UQCRC2: variants seen among roughly 807,000 people sequenced by gnomAD.
The protein encoded by UQCRC2 is cytochrome b-c1 complex subunit 2, mitochondrial.
In UQCRC2, 49 loss-of-function variants were observed where a neutral mutation model predicts 55.6. The ratio of observed to expected loss-of-function variants is 0.88; its 90% CI spans 0.70 to 1.12. The LOEUF (loss-of-function observed/expected upper bound fraction) is 1.12, where lower values mean the gene tolerates loss of function less well. UQCRC2 is among the 50% of genes most tolerant of loss of function. UQCRC2 has a pLI of 0.00. For missense variants in UQCRC2, 506 were observed against 547.8 expected, an observed-to-expected ratio of 0.92 and a Z score of 0.76; for synonymous variants, 193 against 192.0, an observed-to-expected ratio of 1.01 and a Z score of -0.04.
At chr16:21,960,099 G>C (rs1898165464) in intron 4 of UQCRC2, among the ~76,000 whole-genome samples, 1 of 152,168 alleles carries the variant, frequency 6.6e-6, no homozygotes, top group African/African-American at 2.4e-5. Context: ...CTTGTCGTTT[G>C]AAGCTTTGAC....
At chr16:21,978,590 A>G (rs1898641416) in intron 12 of UQCRC2, among the ~76,000 whole-genome samples, 1 of 152,220 alleles carries the variant, frequency 6.6e-6, no homozygotes, top group Non-Finnish European at 1.5e-5. Flanking sequence ...TCACTAATCA[A>G]AACCTTACAT....
In UQCRC2 at chr16:21,974,905, C is replaced by G. The variant is rs551722887; in HGVS notation, c.1047+929C>G. 1.2e-4 allele frequency among the ~76,000 whole-genome samples: 18 copies of G among 152,212 alleles called. No individual in the cohort carries two copies. In the East Asian group the frequency reaches 1.5e-3, roughly 13 times the overall value. On this transcript the variant is annotated intron_variant, in intron 11 of 13. Coordinates refer to ENST00000268379, the MANE Select transcript of UQCRC2 (RefSeq NM_003366.4). ...TCCTCAGTGAGACAGGAGGCTAAGT[C>G]ATGTTTTGACAGACGTGAGAGGAAA...
intron 7 of UQCRC2, among the ~76,000 whole-genome samples, chr16:21,965,713 A>T (rs1898309153): frequency 6.6e-6 from 1 of 152,238 alleles, no homozygotes; most frequent in South Asian, 2.1e-4. Flanking sequence ...GACTAAAGGG[A>T]CATGATCATT....
chr16:21,966,318 G>T (rs1022083706), intron 7 of UQCRC2, among the ~76,000 whole-genome samples: 1 of 151,924 alleles, frequency 6.6e-6, no homozygotes, highest in South Asian at 2.1e-4. Context: ...ACCAGCCTCC[G>T]TTTGCTGGCT....
chr16:21,974,392 A>G (rs539238234), intron 11 of UQCRC2, among the ~76,000 whole-genome samples: 1 of 152,328 alleles, frequency 6.6e-6, no homozygotes, highest in African/African-American at 2.4e-5. Flanking sequence ...TTAAGGAGCA[A>G]GTGGCTAAGA....
In UQCRC2 at chr16:21,959,406, G is replaced by A. The variant is rs546001955; in HGVS notation, c.332+807G>A. On this transcript the variant is annotated intron_variant, in intron 4 of 13. Coordinates refer to ENST00000268379, the MANE Select transcript of UQCRC2 (RefSeq NM_003366.4). ...AACCACTTTGTTTGCTCATCCATAA[G>A]AAGCATCTCCTCATCTGTTCAAGCT... 2.4e-4 allele frequency: 65 copies of A among 266,796 alleles called. 1 individual carries two copies. The Middle Eastern group carries it at 2.6e-3, about 11-fold the overall frequency. 16.5% of individuals were successfully genotyped at this position (266,796 alleles called of 1,614,324 possible).
intron 13 of UQCRC2, among the ~76,000 whole-genome samples, chr16:21,981,099 C>CTG (rs1197737482): frequency 6.6e-6 from 1 of 152,152 alleles, no homozygotes; most frequent in African/African-American, 2.4e-5. Flanking sequence ...TATGATCCAA[C>CTG]CTAAATAGTG....
intron 4 of UQCRC2, among the ~76,000 whole-genome samples, chr16:21,960,871 C>G (rs1316332250): frequency 6.6e-6 from 1 of 152,026 alleles, no homozygotes; most frequent in Non-Finnish European, 1.5e-5. Context: ...TGCTCTGTTT[C>G]CCAGGCTGGA....
intron 13 of UQCRC2, 113 bp downstream of exon 13, chr16:21,980,813 T>C: frequency 7.9e-7 from 1 of 1,260,114 alleles, no homozygotes; most frequent in East Asian, 2.5e-5. Context: ...TGTTTGGTGC[T>C]CATCTACTTA....
chr16:21,978,936 G>A lies in UQCRC2; in HGVS notation c.1125-1611G>A, dbSNP rs186600047. Among the ~76,000 whole-genome samples the A allele has an allele frequency of 1.1e-3, 171 of 152,260 alleles. 1 individual carries two copies. Among genetic ancestry groups the A allele is most frequent in the African/African-American group, 3.9e-3 (164 of 41,564 alleles). ...TGGATATCACAGAAATAAACAGACA[G>A]CAGAAGCTCTTCAGACACCCCCGAA... On this transcript the variant is annotated intron_variant, in intron 12 of 13. Coordinates refer to ENST00000268379, the MANE Select transcript of UQCRC2 (RefSeq NM_003366.4).
rs1898101174 is a variant in UQCRC2 at position 21,957,261 on chromosome 16, C to G, written c.60C>G (p.Pro20=). The G allele has an allele frequency of 1.2e-6, 2 of 1,613,710 alleles. No individual in the cohort carries two copies. The highest frequency in any genetic ancestry group is 8.5e-7 in the Non-Finnish European group (1 of 1,179,902). The change falls in exon 2 of 14, where the codon CCC becomes CCG. Residue 20 remains proline, a synonymous_variant. Coordinates refer to ENST00000268379, the MANE Select transcript of UQCRC2 (RefSeq NM_003366.4). The part of the protein sequence containing the change: ...FSRFYSLKVA[P]KVKATAAPAG... ...GATTTTATTCCCTCAAAGTTGCCCC[C>G]AAAGTTAAAGCCACAGCTGCGCCTG...
Position 21,983,282 on chromosome 16 carries a change from A to G in UQCRC2, c.*111A>G. 1.1e-6 allele frequency: 1 copy of G among 895,964 alleles called. No individual in the cohort carries two copies. The highest frequency in any genetic ancestry group is 1.7e-6 in the Non-Finnish European group (1 of 583,840). 55.5% of individuals were successfully genotyped at this position (895,964 alleles called of 1,614,324 possible). A position where few individuals can be genotyped will look rare whatever the true frequency, so the allele number is the denominator to read the frequency against. On this transcript the variant is annotated 3_prime_UTR_variant, in exon 14 of 14. Transcript: ENST00000268379. The stretch of plus-strand genomic sequence containing the variant: ...TCATTTGTCTTTTTTCCAGTGAGGT[A>G]AAATAAGGCATAAATGCAGGTAATT...
intron 6 of UQCRC2, 63 bp downstream of exon 6, chr16:21,962,948 TAG>T (rs1898241224): frequency 6.5e-7 from 1 of 1,530,582 alleles, no homozygotes; most frequent in East Asian, 2.3e-5. Flanking sequence ...GATCAATTTA[TAG>T]AAGAAAAAAA....
At chr16:21,970,540 AT>A (rs1898434176) in intron 8 of UQCRC2, among the ~76,000 whole-genome samples, 1 of 152,194 alleles carries the variant, frequency 6.6e-6, no homozygotes, top group Non-Finnish European at 1.5e-5. Context: ...GACAAATGAC[AT>A]TGAACATATT....
chr16:21,962,437 CT>C, intron 4 of UQCRC2, 22 bp from the exon 5 acceptor site: 1 of 1,613,764 alleles, frequency 6.2e-7, no homozygotes, highest in Non-Finnish European at 8.5e-7. Flanking sequence ...AGATGATTTA[CT>C]CTAGTTTATT....
chr16:21,957,473 A>G lies in UQCRC2; in HGVS notation c.174A>G (p.Val58=). Residue 58 remains valine (V), a synonymous_variant, in exon 3 of 14, where the codon GTA becomes GTG. Coordinates refer to ENST00000268379, the MANE Select transcript of UQCRC2 (RefSeq NM_003366.4). ...CTTCTTTGGAAAACTATTCTCCTGT[A>G]TCAAGAATTGGTTTGTTCATTAAAG... ...VIASLENYSP[V]SRIGLFIKAG... is the part of the protein sequence containing the mutation. 1.9e-6 allele frequency: 3 copies of G among 1,614,160 alleles called. No homozygotes were observed. The highest frequency in any genetic ancestry group is 2.2e-5 in the South Asian group (2 of 91,078).
rs1898687744 is a variant in UQCRC2 at position 21,980,335 on chromosome 16, AC to A, written c.1125-209del. On this transcript the variant is annotated intron_variant, in intron 12 of 13. Coordinates refer to ENST00000268379, the MANE Select transcript of UQCRC2 (RefSeq NM_003366.4). ...GGGCCCTCAATTGGACACTTTGGCA[AC>A]CCTGAAGAGACTTCTTCCCTTCAGA... 8 of 551,964 alleles carry A rather than the reference AC, an allele frequency of 1.4e-5. No individual in the cohort carries two copies. In the Admixed American group the frequency reaches 2.7e-4, roughly 19 times the overall value. 34.2% of individuals were successfully genotyped at this position (551,964 alleles called of 1,614,324 possible).
At chr16:21,968,789 C>T (rs1224581640) in intron 8 of UQCRC2, 104 bp downstream of exon 8, 2 of 1,015,782 alleles carry the variant, frequency 2.0e-6, no homozygotes, top group Non-Finnish European at 2.8e-6. Context: ...AAAACTTCGG[C>T]CTTCTATTTA....
chr16:21,977,151 C>G (rs1473570890), intron 12 of UQCRC2, among the ~76,000 whole-genome samples: 1 of 152,054 alleles, frequency 6.6e-6, no homozygotes, highest in African/African-American at 2.4e-5. Flanking sequence ...GCCAGGAGTT[C>G]AACCAGCCTG....
Sources: allele counts gnomAD v4.1 joint callset (sites outside exome capture counted in the v4.1 genomes callset), GRCh38; gene constraint gnomAD v4.1.1; transcripts MANE v1.5; gene names NCBI Gene and HGNC (gene_info 2026-07-23, HGNC 2026-07-21).